The following GRM7 variants were observed in gnomAD, a reference collection of about 807,000 sequenced individuals.
GRM7 encodes glutamate metabotropic receptor 7.
Under a neutral mutation model 84.5 loss-of-function variants are expected in GRM7, and 35 were observed. The observed-to-expected ratio is 0.41, with a 90% CI of 0.32 to 0.55. The LOEUF is 0.55. GRM7 is among the 20% of genes least tolerant of loss of function. The pLI is 0.19. For synonymous variants in GRM7, 487 were observed against 455.1 expected, an observed-to-expected ratio of 1.07 and a Z score of -0.89; for missense variants, 1,003 against 1,194.6, an observed-to-expected ratio of 0.84 and a Z score of 2.36.
At chr3:7,614,377 C>T (rs1056018336) in intron 8 of GRM7, among the ~76,000 whole-genome samples, 12 of 152,170 alleles carry the variant, frequency 7.9e-5, no homozygotes, top group African/African-American at 2.4e-4. Flanking sequence ...AGTCACCATC[C>T]CTCTGTAGTT....
intron 9 of GRM7, among the ~76,000 whole-genome samples, chr3:7,736,374 T>G (rs1319564069): frequency 3.3e-5 from 5 of 152,162 alleles, no homozygotes; most frequent in Admixed American, 3.3e-4. Flanking sequence ...ATTGCTTATT[T>G]CAAAAACATT....
At chr3:6,867,198 A>G (rs745435858) in intron 1 of GRM7, among the ~76,000 whole-genome samples, 1 of 152,224 alleles carries the variant, frequency 6.6e-6, no homozygotes, top group Non-Finnish European at 1.5e-5. Context: ...AAAGCATTAT[A>G]GCAAAAGCAG....
At chr3:7,458,921 C>T (rs568805831) in intron 6 of GRM7, among the ~76,000 whole-genome samples, 3 of 152,148 alleles carry the variant, frequency 2.0e-5, no homozygotes, top group Non-Finnish European at 2.9e-5. Flanking sequence ...ATGTGAAATC[C>T]AGATTTTATT....
intron 8 of GRM7, among the ~76,000 whole-genome samples, chr3:7,622,185 G>A (rs759309433): frequency 2.6e-5 from 4 of 152,130 alleles, no homozygotes; most frequent in African/African-American, 7.2e-5. Flanking sequence ...GGGGTTGATA[G>A]TAGATGTGTC....
chr3:6,898,314 T>A (rs1242045521), intron 1 of GRM7, among the ~76,000 whole-genome samples: 1 of 151,484 alleles, frequency 6.6e-6, no homozygotes, highest in Non-Finnish European at 1.5e-5. Context: ...AAATTTGGGT[T>A]TTAATGATGA....
At chr3:7,001,236 G>A (rs1695004183) in intron 1 of GRM7, among the ~76,000 whole-genome samples, 1 of 152,122 alleles carries the variant, frequency 6.6e-6, no homozygotes, top group Admixed American at 6.5e-5. Context: ...TGTTGTCCCA[G>A]CTACTTGGAA....
At chr3:7,144,377 C>T (rs1197633997) in intron 1 of GRM7, among the ~76,000 whole-genome samples, 2 of 152,102 alleles carry the variant, frequency 1.3e-5, no homozygotes, top group Non-Finnish European at 2.9e-5. Flanking sequence ...GCATATAAAA[C>T]TTTTAGAACA....
intron 1 of GRM7, among the ~76,000 whole-genome samples, chr3:6,907,308 A>C (rs1255186911): frequency 6.6e-6 from 1 of 152,208 alleles, no homozygotes. Context: ...AGGTGAACCT[A>C]CTGTAAAGTT....
At chr3:7,734,777 G>A (rs1702448860) in intron 9 of GRM7, among the ~76,000 whole-genome samples, 1 of 152,172 alleles carries the variant, frequency 6.6e-6, no homozygotes, top group Admixed American at 6.5e-5. Context: ...TGGTAGTCAT[G>A]TTCTTCATTC....
chr3:6,962,010 C>T (rs978238024), intron 1 of GRM7, among the ~76,000 whole-genome samples: 3 of 152,140 alleles, frequency 2.0e-5, no homozygotes, highest in African/African-American at 7.2e-5. Flanking sequence ...ATAGTCCAAA[C>T]TACTTCAACT....
At chr3:7,634,502 A>AAAAC (rs869197286) in intron 8 of GRM7, among the ~76,000 whole-genome samples, 1 of 70,498 alleles carries the variant, frequency 1.4e-5, no homozygotes, top group Admixed American at 2.2e-4. Flanking sequence ...AAAAAAAAAA[A>AAAAC]GGGCTGGGCT....
Position 7,298,738 on chromosome 3 carries a change from C to T in GRM7, c.791C>T (p.Thr264Ile). ...ATCCCCCAGGAACGCAAAGACAGGA[C>T]CATTGACTTTGATAGAATTATCAAA... Reference protein sequence around the residue: ...VRIPQERKDRTIDFDRIIKQL... With the variant: ...VRIPQERKDRIIDFDRIIKQL... Residue 264 changes from threonine to isoleucine, a missense_variant, in exon 3 of 10, where the codon ACC (threonine) becomes ATC (isoleucine). By Grantham distance (89) the Thr-to-Ile change is moderately conservative. Around this residue, in one of 2 missense-constraint regions of GRM7, gnomAD observed 910 missense variants for 1,126.0 expected, o/e 0.81. Transcript: ENST00000357716. The T allele has an allele frequency of 6.2e-7, 1 of 1,612,728 alleles. No homozygotes were observed. Among genetic ancestry groups the T allele is most frequent in the Non-Finnish European group, 8.5e-7 (1 of 1,178,784 alleles).
At chr3:7,418,701 T>G (rs1222413892) in intron 5 of GRM7, among the ~76,000 whole-genome samples, 1 of 152,060 alleles carries the variant, frequency 6.6e-6, no homozygotes, top group Non-Finnish European at 1.5e-5. Context: ...ATACTAAGGG[T>G]CAATGAAAGA....
intron 8 of GRM7, among the ~76,000 whole-genome samples, chr3:7,601,908 T>C (rs1446954626): frequency 6.6e-6 from 1 of 151,974 alleles, no homozygotes; most frequent in Non-Finnish European, 1.5e-5. Context: ...CATGTGTTCA[T>C]TGGATAGGAC....
At chr3:7,523,080 G>T (rs887021737) in intron 7 of GRM7, among the ~76,000 whole-genome samples, 1 of 152,120 alleles carries the variant, frequency 6.6e-6, no homozygotes, top group Non-Finnish European at 1.5e-5. Context: ...AATTTCTGTT[G>T]TTCAAGCAAT....
chr3:7,324,193 A>T (rs573697810), intron 4 of GRM7, among the ~76,000 whole-genome samples: 1 of 152,206 alleles, frequency 6.6e-6, no homozygotes, highest in Non-Finnish European at 1.5e-5. Flanking sequence ...GGTGGTCAGC[A>T]TCATGATTTT....
Position 6,960,926 on chromosome 3 carries a change from G to T in GRM7, c.519+99019G>T, listed in dbSNP as rs142896641. On this transcript the variant is annotated intron_variant, in intron 1 of 9. Coordinates refer to ENST00000357716, the MANE Select transcript of GRM7 (RefSeq NM_000844.4). ...ACAGGCCAACAAAATGTACTATCCT[G>T]GTTGTCATAGTTGTCTGCTAAATTT... is the stretch of plus-strand genomic sequence containing the variant. Among the ~76,000 whole-genome samples, 262 of 152,122 alleles carry T rather than the reference G, an allele frequency of 1.7e-3. 3 individuals carry two copies. Among genetic ancestry groups the T allele is most frequent in the African/African-American group, 5.6e-3 (233 of 41,488 alleles).
At chr3:6,905,129 G>A (rs1006738718) in intron 1 of GRM7, among the ~76,000 whole-genome samples, 3 of 151,976 alleles carry the variant, frequency 2.0e-5, no homozygotes, top group African/African-American at 7.3e-5. Context: ...TTTCAAAATC[G>A]CTTTTTCACG....
At chr3:7,596,326 G>A (rs1350514761) in intron 8 of GRM7, among the ~76,000 whole-genome samples, 2 of 152,140 alleles carry the variant, frequency 1.3e-5, no homozygotes, top group Admixed American at 6.5e-5. Flanking sequence ...GCTTATGAAC[G>A]GTGGTGAAGA....
Sources: allele counts gnomAD v4.1 joint callset (sites outside exome capture counted in the v4.1 genomes callset), GRCh38; gene constraint gnomAD v4.1.1; regional missense constraint gnomAD v4.1.1; transcripts MANE v1.5; gene names NCBI Gene and HGNC (gene_info 2026-07-23, HGNC 2026-07-21).